Variants in SHANK2 observed in about 807,000 individuals in gnomAD.
SHANK2 encodes SH3 and multiple ankyrin repeat domains 2.
Under a neutral mutation model 133.7 loss-of-function variants are expected in SHANK2, and 43 were observed. The observed-to-expected ratio is 0.32, with a 90% confidence interval of 0.25 to 0.41. The LOEUF (loss-of-function observed/expected upper bound fraction) is 0.41. Among genes scored for constraint, SHANK2 ranks in the 10% least tolerant of loss-of-function variants. The pLI is 1.00. For synonymous variants in SHANK2, 1,017 were observed against 952.8 expected (o/e 1.07, Z -1.24); for missense variants, 1,994 against 2,235.8 (o/e 0.89, Z 2.18).
chr11:70,641,981 G>T (rs935162181), intron 17 of SHANK2, among the ~76,000 whole-genome samples: 8 of 152,240 alleles, frequency 5.3e-5, no homozygotes, highest in African/African-American at 1.7e-4. Context: ...TCTTCTGGGT[G>T]ACCAAGGTTC....
At chr11:70,478,654 T>C (rs1170705095) in intron 25 of SHANK2, among the ~76,000 whole-genome samples, 1 of 152,056 alleles carries the variant, frequency 6.6e-6, no homozygotes, top group African/African-American at 2.4e-5. Flanking sequence ...GTGCCATGTG[T>C]TATGTTGTGT....
At chr11:71,128,537 A>G (rs1299421699) in intron 3 of SHANK2, among the ~76,000 whole-genome samples, 1 of 152,116 alleles carries the variant, frequency 6.6e-6, no homozygotes, top group Non-Finnish European at 1.5e-5. Context: ...CCTTGCGATG[A>G]TGTACACACC....
At chr11:71,142,139 C>T (rs1169590107) in intron 3 of SHANK2, among the ~76,000 whole-genome samples, 1 of 152,096 alleles carries the variant, frequency 6.6e-6, no homozygotes, top group Non-Finnish European at 1.5e-5. Context: ...AGCATGACTA[C>T]AGTAAATTAG....
At chr11:70,683,932 C>T (rs1402308386) in intron 15 of SHANK2, among the ~76,000 whole-genome samples, 2 of 152,046 alleles carry the variant, frequency 1.3e-5, no homozygotes, top group Non-Finnish European at 2.9e-5. Flanking sequence ...TACAGGCCTA[C>T]ACCACCACGC....
chr11:70,822,012 C>T (rs1044813624), intron 11 of SHANK2, among the ~76,000 whole-genome samples: 4 of 152,180 alleles, frequency 2.6e-5, no homozygotes, highest in South Asian at 2.1e-4. Context: ...GCAGCCACGC[C>T]GCAGCTGCCT....
intron 14 of SHANK2, among the ~76,000 whole-genome samples, chr11:70,796,181 C>G (rs1158818575): frequency 6.6e-6 from 1 of 152,188 alleles, no homozygotes; most frequent in Non-Finnish European, 1.5e-5. Flanking sequence ...GCCATACGTT[C>G]TCATCTAGGG....
chr11:71,110,197 GTGAGGC>G (rs2135219782), intron 5 of SHANK2, 148 bp from the exon 6 acceptor site: 1 of 615,220 alleles, frequency 1.6e-6, no homozygotes, highest in African/African-American at 1.8e-5. Flanking sequence ...CCAGCACTTT[GTGAGGC>G]CGAGGCGGGC....
chr11:70,487,814 C>T lies in SHANK2; in HGVS notation c.2573-94G>A. 6.5e-7 allele frequency: 1 copy of T among 1,547,072 alleles called. No individual in the cohort carries two copies. The highest frequency in any genetic ancestry group is 8.7e-7 in the Non-Finnish European group (1 of 1,145,806). ...GATACGCTACATCTCCACAAACTCA[C>T]AAATTCAGATGATGAACCGGATGTT... On this transcript the variant is annotated intron_variant, in intron 24 of 25. Coordinates refer to ENST00000601538, the MANE Select transcript of SHANK2 (RefSeq NM_012309.5). The surrounding 1 kb of genome is among the most constrained non-coding windows in gnomAD (Gnocchi z 5.8).
chr11:70,900,339 C>T lies in SHANK2; in HGVS notation c.1108-3772G>A, dbSNP rs118136117. Among the ~76,000 whole-genome samples the T allele has an allele frequency of 1.8e-3, 268 of 150,896 alleles. 4 individuals are homozygous for T. In the East Asian group the frequency reaches 0.044, roughly 25 times the overall value. The stretch of plus-strand genomic sequence containing the variant: ...ACTGCACTCCAGCTCGGTGACACAG[C>T]GAGACTCGGTGTCAAAAAAAAAAAA... On this transcript the variant is annotated intron_variant, in intron 10 of 25. Coordinates refer to ENST00000601538, the MANE Select transcript of SHANK2 (RefSeq NM_012309.5).
At chr11:70,770,417 C>T (rs548622335) in intron 14 of SHANK2, among the ~76,000 whole-genome samples, 12 of 152,346 alleles carry the variant, frequency 7.9e-5, no homozygotes, top group Admixed American at 2.6e-4. Flanking sequence ...GTGCCCAGCA[C>T]TGTAGAGACC....
At chr11:71,253,188 C>T (rs182614515), upstream of SHANK2, among the ~76,000 whole-genome samples, 15 of 152,270 alleles carry the variant, frequency 9.9e-5, no homozygotes, top group East Asian at 1.4e-3. Context: ...TCGGGTGAAT[C>T]CCAGAGGCCA....
intron 17 of SHANK2, chr11:70,604,522 T>G (rs1157857220): frequency 6.6e-6 from 1 of 152,214 alleles, no homozygotes; most frequent in Non-Finnish European, 1.5e-5. Context: ...TTTACAGACA[T>G]AAACGCTCGG....
At chr11:70,647,584 T>C (rs2061281957) in intron 17 of SHANK2, 1 of 152,248 alleles carries the variant, frequency 6.6e-6, no homozygotes, top group Admixed American at 6.5e-5. Context: ...AGTTCATGTG[T>C]GTGAACTCTC....
chr11:70,914,422 G>A (rs1950239252), intron 10 of SHANK2, among the ~76,000 whole-genome samples: 1 of 151,950 alleles, frequency 6.6e-6, no homozygotes, highest in African/African-American at 2.4e-5. Flanking sequence ...TCCATGCTGG[G>A]GCCTTCCCGG....
In SHANK2 at chr11:70,471,415, A is replaced by G. The variant is rs1343435855; in HGVS notation, c.*1454T>C. On this transcript the variant is annotated 3_prime_UTR_variant, in exon 26 of 26. Transcript: ENST00000601538. The surrounding 1 kb of genome is among the most constrained non-coding windows in gnomAD (Gnocchi z 4.1). ...ACTGTGTGTTTTGCGGCCCATGTGCATCTGGTGACCTCTTTTGGAAATTCG... is the reference window on the plus strand; with the variant it reads ...ACTGTGTGTTTTGCGGCCCATGTGCGTCTGGTGACCTCTTTTGGAAATTCG... The G allele has an allele frequency of 1.5e-5, 6 of 398,772 alleles. No individual in the cohort carries two copies. Among genetic ancestry groups the G allele is most frequent in the African/African-American group, 1.2e-4 (6 of 48,604 alleles). 24.7% of individuals were successfully genotyped at this position (398,772 alleles called of 1,614,324 possible).
chr11:70,772,470 G>A (rs527626723), intron 14 of SHANK2, among the ~76,000 whole-genome samples: 92 of 151,568 alleles, frequency 6.1e-4, no homozygotes, highest in Non-Finnish European at 1.1e-3. Context: ...ATTATTCCAT[G>A]CCTCTGAAAG....
chr11:70,475,856 C>T (rs1020872093), intron 25 of SHANK2, among the ~76,000 whole-genome samples: 32 of 152,308 alleles, frequency 2.1e-4, no homozygotes, highest in African/African-American at 7.7e-4. Context: ...TTATACTGCT[C>T]ACACCAACAG....
intron 14 of SHANK2, among the ~76,000 whole-genome samples, chr11:70,709,292 A>C (rs1945729796): frequency 6.6e-6 from 1 of 152,232 alleles, no homozygotes; most frequent in Non-Finnish European, 1.5e-5. Context: ...GACTGCAGAG[A>C]GCTGAGTCAC....
chr11:70,485,964 G>C lies in SHANK2; in HGVS notation c.4329C>G (p.Ser1443Arg). The C allele has an allele frequency of 1.2e-6, 2 of 1,614,110 alleles. No individual in the cohort carries two copies. The highest frequency in any genetic ancestry group is 1.7e-6 in the Non-Finnish European group (2 of 1,180,034). ...ALSDLVKQKK[S>R]DTPQSPSLNS... ...TCAACGAAGGGGACTGAGGGGTGTC[G>C]CTTTTCTTCTGCTTCACTAAGTCTG... The change falls in exon 25 of 26, where the codon AGC (serine) becomes AGG (arginine). Residue 1443 changes from serine (S) to arginine (R), a missense_variant. Physicochemically the swap from Ser to Arg is moderately radical, Grantham distance 110 (BLOSUM62 -1). Around this residue, in one of 5 missense-constraint regions of SHANK2, gnomAD observed 797 missense variants for 907.4 expected, o/e 0.88. Transcript: ENST00000601538. The surrounding 1 kb of genome is among the most constrained non-coding windows in gnomAD (Gnocchi z 5.8).
Sources: gnomAD v4.1 joint callset for allele counts (sites outside exome capture counted in the v4.1 genomes callset) on GRCh38, gnomAD v4.1.1 for gene constraint, gnomAD v4.1.1 regional missense constraint, Gnocchi (gnomAD v3.1) non-coding constraint, MANE v1.5 for transcripts, NCBI Gene and HGNC (gene_info 2026-07-23, HGNC 2026-07-21) for gene names.